MARCHF10: variants seen among roughly 807,000 people sequenced by gnomAD.
MARCHF10 encodes the protein probable E3 ubiquitin-protein ligase MARCHF10.
In MARCHF10, 64 loss-of-function variants were observed where a neutral mutation model predicts 76.2. The ratio of observed to expected loss-of-function variants is 0.84; its 90% confidence interval spans 0.69 to 1.03. The LOEUF is 1.03. Among genes scored for constraint, MARCHF10 ranks in the 50% least tolerant of loss-of-function variants. The pLI is 0.00. For missense variants in MARCHF10, 875 were observed against 958.0 expected (o/e 0.91, Z 1.14); for synonymous variants, 340 against 357.5 (o/e 0.95, Z 0.55).
At chr17:62,768,344 C>CTG (rs2092379677) in intron 3 of MARCHF10, among the ~76,000 whole-genome samples, 1 of 152,144 alleles carries the variant, frequency 6.6e-6, no homozygotes, top group African/African-American at 2.4e-5. Context: ...TGGTGAAAGC[C>CTG]TGTGTCTACT....
chr17:62,803,686 ATTT>A (rs1482213467), intron 1 of MARCHF10, among the ~76,000 whole-genome samples: 1 of 152,032 alleles, frequency 6.6e-6, no homozygotes, highest in Non-Finnish European at 1.5e-5. Context: ...CACCCGGCTA[ATTT>A]TTTATTAGTA....
In MARCHF10 at chr17:62,784,297, G is replaced by A. The variant is rs562804672; in HGVS notation, c.210+4183C>T. Among the ~76,000 whole-genome samples the A allele has an allele frequency of 8.5e-5, 13 of 152,244 alleles. No individual in the cohort carries two copies. In the South Asian group the frequency reaches 2.7e-3, roughly 32 times the overall value. On this transcript the variant is annotated intron_variant, in intron 3 of 10. Transcript: ENST00000311269. ...CCACATGATTATCTCAATAGATGCA[G>A]AAAAGGCCTTTGACAAAATTCAACA...
rs1163804145 is a variant in MARCHF10, at chr17:62,759,985, G to A, written c.232C>T (p.Leu78=). ...SKQSSSEEDA[L]TEPRSSIKIS... Reference sequence around the variant, plus strand: ...TTGATAGATGACCTTGGTTCAGTTAGAGCATCCTCCTCACTAGAACTCTAC... The same window carrying A: ...TTGATAGATGACCTTGGTTCAGTTAAAGCATCCTCCTCACTAGAACTCTAC... The change falls in exon 4 of 11, where the codon CTA becomes TTA. Residue 78 remains leucine, a synonymous_variant. Transcript: ENST00000311269. The A allele has an allele frequency of 3.1e-6, 5 of 1,613,970 alleles. No individual in the cohort carries two copies. The Admixed American group carries it at 8.3e-5, about 27-fold the overall frequency.
chr17:62,774,665 C>T (rs1212127962), intron 3 of MARCHF10, among the ~76,000 whole-genome samples: 1 of 152,186 alleles, frequency 6.6e-6, no homozygotes, highest in Admixed American at 6.5e-5. Flanking sequence ...GACTCAGAGT[C>T]TTCCTTCCTC....
At chr17:62,762,206 T>G (rs1276494207) in intron 3 of MARCHF10, among the ~76,000 whole-genome samples, 1 of 152,204 alleles carries the variant, frequency 6.6e-6, no homozygotes, top group Non-Finnish European at 1.5e-5. Context: ...CTCCACCCAT[T>G]CATTAAACCT....
chr17:62,751,155 C>T (rs1382823012), intron 4 of MARCHF10, among the ~76,000 whole-genome samples: 2 of 152,206 alleles, frequency 1.3e-5, no homozygotes, highest in African/African-American at 2.4e-5. Context: ...AAACTGCTAA[C>T]CTCGCTGGAG....
intron 4 of MARCHF10, among the ~76,000 whole-genome samples, chr17:62,747,248 G>A (rs981701054): frequency 2.6e-5 from 4 of 152,142 alleles, no homozygotes; most frequent in African/African-American, 9.7e-5. Flanking sequence ...TTCAAAACTA[G>A]AACACATTTT....
chr17:62,732,677 A>T (rs1334252650), intron 6 of MARCHF10, among the ~76,000 whole-genome samples: 1 of 152,146 alleles, frequency 6.6e-6, no homozygotes, highest in East Asian at 1.9e-4. Context: ...CTTAAGCAAG[A>T]CAAGATACAA....
At chr17:62,731,192 T>A (rs1308309138) in intron 6 of MARCHF10, among the ~76,000 whole-genome samples, 1 of 152,104 alleles carries the variant, frequency 6.6e-6, no homozygotes, top group African/African-American at 2.4e-5. Flanking sequence ...ACACCAAAAA[T>A]ATATACATAA....
In MARCHF10 at chr17:62,701,679, C is replaced by G; in HGVS notation, c.*24G>C. On this transcript the variant is annotated 3_prime_UTR_variant, in exon 11 of 11. Transcript: ENST00000311269. ...AAGGGCTGGCGGGAGAGGTCTCCGC[C>G]GAGCTCCACAGTTGGCTTCCTTGCT... The G allele has an allele frequency of 1.2e-6, 2 of 1,613,826 alleles. No homozygotes were observed. The highest frequency in any genetic ancestry group is 8.5e-7 in the Non-Finnish European group (1 of 1,179,976).
chr17:62,740,049 A>AGTGTGT (rs112894135), intron 5 of MARCHF10, among the ~76,000 whole-genome samples: 23 of 145,532 alleles, frequency 1.6e-4, no homozygotes, highest in East Asian at 4.1e-4. Context: ...GCTTCTCTGC[A>AGTGTGT]GTGTGTGTGT....
At chr17:62,755,466 C>T (rs1043801801) in intron 4 of MARCHF10, among the ~76,000 whole-genome samples, 1 of 152,192 alleles carries the variant, frequency 6.6e-6, no homozygotes, top group Non-Finnish European at 1.5e-5. Context: ...TGGAGGCCAC[C>T]GCAGCTCCCC....
chr17:62,792,606 C>T (rs1248380837), intron 2 of MARCHF10, among the ~76,000 whole-genome samples: 1 of 148,114 alleles, frequency 6.8e-6, no homozygotes, highest in Admixed American at 6.7e-5. Flanking sequence ...CCACCACCTC[C>T]ATCAACCACC....
chr17:62,782,637 G>A (rs986298050), intron 3 of MARCHF10, among the ~76,000 whole-genome samples: 2 of 152,010 alleles, frequency 1.3e-5, no homozygotes, highest in African/African-American at 4.8e-5. Context: ...GAGCTACCGC[G>A]CCTGGCCAAA....
intron 3 of MARCHF10, among the ~76,000 whole-genome samples, chr17:62,773,804 C>T (rs1001475270): frequency 2.6e-5 from 4 of 152,178 alleles, no homozygotes; most frequent in Non-Finnish European, 5.9e-5. Context: ...AGGAAGACAG[C>T]GTTGACCAAA....
At chr17:62,780,242 A>C (rs1228503317) in intron 3 of MARCHF10, among the ~76,000 whole-genome samples, 3 of 152,246 alleles carry the variant, frequency 2.0e-5, no homozygotes, top group African/African-American at 4.8e-5. Context: ...TTTAATGGCC[A>C]CATGTGCCTA....
At chr17:62,788,704 C>T (rs2092787681) in intron 2 of MARCHF10, 105 bp from the exon 3 acceptor site, 17 of 1,431,480 alleles carry the variant, frequency 1.2e-5, no homozygotes, top group Non-Finnish European at 1.6e-5. Flanking sequence ...TGATATGCAT[C>T]TCCAGGTGTT....
At chr17:62,773,064 C>A (rs997961544) in intron 3 of MARCHF10, among the ~76,000 whole-genome samples, 1 of 151,984 alleles carries the variant, frequency 6.6e-6, no homozygotes, top group Admixed American at 6.6e-5. Context: ...GTTCACCATG[C>A]GGCCAAAGAG....
chr17:62,720,860 A>ATTT lies in MARCHF10; in HGVS notation c.2214+1625_2214+1627dup, dbSNP rs56688878. On this transcript the variant is annotated intron_variant, in intron 8 of 10. Coordinates refer to ENST00000311269, the MANE Select transcript of MARCHF10 (RefSeq NM_152598.4). ...GGAGTCTCTGCTCCGGTAAGTTGTG[A>ATTT]TTTTTTTTTTTTTTTTTTTTTTTTT... Among the ~76,000 whole-genome samples, 863 of 88,000 alleles carry ATTT rather than the reference A, an allele frequency of 9.8e-3. 51 individuals carry two copies. The highest frequency in any genetic ancestry group is 0.031 in the African/African-American group (701 of 22,366). The allele number at this position is 88,000 out of a possible 152,430, so 57.7% of individuals were successfully genotyped here.
Sources: allele counts gnomAD v4.1 joint callset (sites outside exome capture counted in the v4.1 genomes callset), GRCh38; gene constraint gnomAD v4.1.1; transcripts MANE v1.5; gene names NCBI Gene and HGNC (gene_info 2026-07-23, HGNC 2026-07-21).